Variants in ABCA13 observed in about 807,000 individuals in gnomAD.
ABCA13 encodes the protein ATP binding cassette subfamily A member 13.
In ABCA13, 476 loss-of-function variants were observed where a neutral mutation model predicts 478.7. That is an observed-to-expected ratio of 0.99 (90% CI 0.92 to 1.07). The LOEUF is 1.07. Among genes scored for constraint, ABCA13 ranks in the 50% least tolerant of loss-of-function variants. The pLI, the probability that ABCA13 is intolerant of heterozygous loss-of-function variation, is 0.00. For synonymous variants in ABCA13, 2,252 were observed against 2,158.9 expected, an observed-to-expected ratio of 1.04 and a Z score of -1.20; for missense variants, 6,060 against 5,910.6, an observed-to-expected ratio of 1.03 and a Z score of -0.83.
intron 27 of ABCA13, among the ~76,000 whole-genome samples, chr7:48,322,766 CG>C (rs1003941439): frequency 2.0e-5 from 3 of 152,014 alleles, no homozygotes; most frequent in African/African-American, 7.2e-5. Context: ...GGCTTTTTTT[CG>C]GTCGACAGCT....
intron 45 of ABCA13, among the ~76,000 whole-genome samples, chr7:48,476,936 G>C (rs1310589384): frequency 1.3e-5 from 2 of 152,162 alleles, no homozygotes; most frequent in African/African-American, 4.8e-5. Flanking sequence ...AAAAGGGAAA[G>C]GATAAAACAT....
At chr7:48,347,310 A>T (rs1563094465) in intron 29 of ABCA13, among the ~76,000 whole-genome samples, 1 of 152,204 alleles carries the variant, frequency 6.6e-6, no homozygotes, top group Non-Finnish European at 1.5e-5. Flanking sequence ...TAACATTTTC[A>T]CACACAAAAA....
intron 6 of ABCA13, among the ~76,000 whole-genome samples, chr7:48,227,908 G>C (rs1193126957): frequency 6.6e-6 from 1 of 152,194 alleles, no homozygotes; most frequent in African/African-American, 2.4e-5. Flanking sequence ...AAGCTCAGTT[G>C]CTTCAGTTGT....
rs1378456622 is a variant in ABCA13 at position 48,615,284 on chromosome 7, G to A, written c.14745-1G>A. 4 of 1,531,928 alleles carry A rather than the reference G, an allele frequency of 2.6e-6. No homozygotes were observed. Among genetic ancestry groups the A allele is most frequent in the Non-Finnish European group, 3.5e-6 (4 of 1,133,052 alleles). 94.9% of individuals were successfully genotyped at this position (1,531,928 alleles called of 1,614,324 possible). On this transcript the variant is annotated splice_acceptor_variant, in intron 58 of 61. Transcript: ENST00000435803. LOFTEE classifies it high-confidence loss of function. ...TTTTTGTCTCTTTTCCTTCTTTACA[G>A]CATGGAGGAGTGTGAGGCTCTTTGC...
chr7:48,438,682 T>C (rs981651248), intron 42 of ABCA13, among the ~76,000 whole-genome samples: 1 of 152,006 alleles, frequency 6.6e-6, no homozygotes, highest in Non-Finnish European at 1.5e-5. Context: ...GTTTCTTTAC[T>C]GATTTTTTGT....
At chr7:48,631,906 A>C (rs1248655316) in intron 59 of ABCA13, among the ~76,000 whole-genome samples, 1 of 152,046 alleles carries the variant, frequency 6.6e-6, no homozygotes. Flanking sequence ...GTATATTCCT[A>C]GGTATTTTGT....
At chr7:48,306,270 T>C (rs1342607792) in intron 23 of ABCA13, among the ~76,000 whole-genome samples, 1 of 152,214 alleles carries the variant, frequency 6.6e-6, no homozygotes, top group East Asian at 1.9e-4. Flanking sequence ...ATATTTTTTG[T>C]CCTGGGACTA....
At chr7:48,355,078 C>T (rs1035341462) in intron 31 of ABCA13, among the ~76,000 whole-genome samples, 1 of 144,150 alleles carries the variant, frequency 6.9e-6, no homozygotes, top group Non-Finnish European at 1.6e-5. Context: ...AATCCCTGCT[C>T]TTGTGAGACT....
intron 38 of ABCA13, among the ~76,000 whole-genome samples, chr7:48,399,610 G>A (rs1258594999): frequency 1.3e-5 from 2 of 152,194 alleles, no homozygotes; most frequent in Non-Finnish European, 1.5e-5. Context: ...AATGGGATTG[G>A]TGGAGTGAAG....
intron 15 of ABCA13, 31 bp from the exon 16 acceptor site, chr7:48,268,949 T>C: frequency 4.2e-6 from 5 of 1,202,846 alleles, no homozygotes; most frequent in Non-Finnish European, 6.0e-6. Context: ...AACCAGTTTA[T>C]AATTAATGTA....
chr7:48,509,291 C>G (rs572907414), intron 50 of ABCA13, among the ~76,000 whole-genome samples: 2 of 152,264 alleles, frequency 1.3e-5, no homozygotes, highest in South Asian at 4.2e-4. Context: ...TCAGTGCCAG[C>G]CTCTGTCTCC....
intron 27 of ABCA13, among the ~76,000 whole-genome samples, chr7:48,323,804 C>T (rs1415623762): frequency 6.6e-6 from 1 of 152,164 alleles, no homozygotes; most frequent in Non-Finnish European, 1.5e-5. Context: ...GTGTCAAGGG[C>T]AGGGCCAGGT....
intron 41 of ABCA13, among the ~76,000 whole-genome samples, chr7:48,413,868 G>A (rs755053732): frequency 6.6e-6 from 1 of 152,210 alleles, no homozygotes; most frequent in Non-Finnish European, 1.5e-5. Context: ...TTAAGGTTGA[G>A]TAAGCTGAGG....
chr7:48,269,056 G>A lies in ABCA13; in HGVS notation c.2082G>A (p.Leu694=). ...KMISDNYFQF[L]NNLLKSPTAS... ...TCAGTGATAATTATTTTCAATTTTTGAATAACTTACTCAAGTCTCCAACAG... is the reference window on the plus strand; with the variant it reads ...TCAGTGATAATTATTTTCAATTTTTAAATAACTTACTCAAGTCTCCAACAG... Residue 694 remains leucine, a synonymous_variant, in exon 16 of 62, where the codon TTG becomes TTA. Coordinates refer to ENST00000435803, the MANE Select transcript of ABCA13 (RefSeq NM_152701.5). The A allele has an allele frequency of 1.9e-6, 3 of 1,598,136 alleles. No homozygotes were observed. The highest frequency in any genetic ancestry group is 2.6e-6 in the Non-Finnish European group (3 of 1,167,046).
chr7:48,457,379 C>T (rs374789215), intron 43 of ABCA13, among the ~76,000 whole-genome samples: 4 of 152,178 alleles, frequency 2.6e-5, no homozygotes, highest in African/African-American at 9.6e-5. Context: ...CTTCTGAGAC[C>T]GCTGAGAATT....
chr7:48,506,400 T>G lies in ABCA13; in HGVS notation c.13346+10T>G. On this transcript the variant is annotated intron_variant, in intron 49 of 61. Transcript: ENST00000435803. ...TGAACGAGGACAAGATGTGAGTTGA[T>G]GGAATGCTGAGGGGTGTGTGACCCT... 1 of 1,613,538 alleles carries G rather than the reference T, an allele frequency of 6.2e-7. No homozygotes were observed. Among genetic ancestry groups the G allele is most frequent in the Non-Finnish European group, 8.5e-7 (1 of 1,179,514 alleles).
chr7:48,260,595 T>C (rs1794039050), intron 15 of ABCA13, among the ~76,000 whole-genome samples: 1 of 152,084 alleles, frequency 6.6e-6, no homozygotes, highest in South Asian at 2.1e-4. Context: ...GAGTTAATAA[T>C]TGTCTCATGA....
In ABCA13 at chr7:48,387,971, G is replaced by A; in HGVS notation, c.11473+12G>A. The A allele has an allele frequency of 1.9e-6, 3 of 1,591,546 alleles. No individual in the cohort carries two copies. The highest frequency in any genetic ancestry group is 2.6e-6 in the Non-Finnish European group (3 of 1,173,174). On this transcript the variant is annotated intron_variant, in intron 36 of 61. Coordinates refer to ENST00000435803, the MANE Select transcript of ABCA13 (RefSeq NM_152701.5). ...CTTTGACAATAAAGGTTTGTAAGGA[G>A]TAGAATTATTAGATGCATGTATTTT...
chr7:48,605,214 C>T (rs754960586), intron 58 of ABCA13, among the ~76,000 whole-genome samples: 32 of 151,860 alleles, frequency 2.1e-4, no homozygotes, highest in Admixed American at 7.9e-4. Flanking sequence ...AATTGGGGCA[C>T]GTAGCCCATT....
Sources: allele counts gnomAD v4.1 joint callset (sites outside exome capture counted in the v4.1 genomes callset), GRCh38; gene constraint gnomAD v4.1.1; transcripts MANE v1.5; gene names NCBI Gene and HGNC (gene_info 2026-07-23, HGNC 2026-07-21).